Variants in MTOR observed in about 807,000 individuals in gnomAD.
MTOR encodes the protein mechanistic target of rapamycin kinase.
A neutral mutation model predicts 319.8 loss-of-function variants in MTOR; 70 were observed. That is an observed-to-expected ratio of 0.22 (90% CI 0.18 to 0.27). MTOR has a LOEUF of 0.27. Among genes scored for constraint, MTOR ranks in the 10% least tolerant of loss-of-function variants. The pLI is 1.00. For synonymous variants in MTOR, 1,183 were observed against 1,211.4 expected, an observed-to-expected ratio of 0.98 and a Z score of 0.49; for missense variants, 1,890 against 3,274.4, an observed-to-expected ratio of 0.58 and a Z score of 10.32.
Position 11,238,332 on chromosome 1 carries a change from G to C in MTOR, c.2002+70C>G. The C allele has an allele frequency of 6.7e-6, 10 of 1,497,960 alleles. No individual in the cohort carries two copies. In the South Asian group the frequency reaches 1.1e-4, roughly 17 times the overall value. The allele number at this position is 1,497,960 out of a possible 1,614,324, so 92.8% of individuals were successfully genotyped here. A position where few individuals can be genotyped will look rare whatever the true frequency, so the allele number is the denominator to read the frequency against. ...AAGAACTCTAGAGAGGCCATGTAAT[G>C]AAACTGGCTACTCCCAATTGTCCTA... On this transcript the variant is annotated intron_variant, in intron 12 of 57. Coordinates refer to ENST00000361445, the MANE Select transcript of MTOR (RefSeq NM_004958.4).
At chr1:11,216,489 A>G (rs1646474726) in intron 19 of MTOR, among the ~76,000 whole-genome samples, 1 of 152,104 alleles carries the variant, frequency 6.6e-6, no homozygotes, top group African/African-American at 2.4e-5. Context: ...TCCTGTCTCT[A>G]CAAAAAAAAT....
At position 11,190,843 on chromosome 1, in the gene MTOR, A is replaced by ATG. The variant is rs1557823791; in HGVS notation, c.4253+8414_4253+8415insCA. Among the ~76,000 whole-genome samples, 5 of 152,224 alleles carry ATG rather than the reference A, an allele frequency of 3.3e-5. No homozygotes were observed. The East Asian group carries it at 9.6e-4, about 29-fold the overall frequency. On this transcript the variant is annotated intron_variant, in intron 28 of 57. Transcript: ENST00000361445. The stretch of plus-strand genomic sequence containing the variant: ...ATTGGTCCCATTATAAACTACATGA[A>ATG]GAACAAAGACATGATCAGCTTCTAC...
intron 34 of MTOR, among the ~76,000 whole-genome samples, 181 bp from the exon 35 acceptor site, chr1:11,139,839 G>A (rs1022258023): frequency 2.6e-5 from 4 of 152,210 alleles, no homozygotes; most frequent in African/African-American, 9.6e-5. Context: ...TTACAGGCGT[G>A]TGCCATCATG....
At chr1:11,158,608 A>G (rs1644386228) in intron 29 of MTOR, among the ~76,000 whole-genome samples, 1 of 152,178 alleles carries the variant, frequency 6.6e-6, no homozygotes, top group Non-Finnish European at 1.5e-5. Context: ...GTCCAAAATA[A>G]TATCTATTAT....
chr1:11,139,897 G>C (rs972751789), intron 34 of MTOR, among the ~76,000 whole-genome samples: 9 of 152,084 alleles, frequency 5.9e-5, no homozygotes, highest in African/African-American at 1.9e-4. Flanking sequence ...TCAGCATCTT[G>C]GCCAGGCTGG....
intron 20 of MTOR, among the ~76,000 whole-genome samples, chr1:11,214,748 CTG>C (rs1646415468): frequency 6.6e-6 from 1 of 152,310 alleles, no homozygotes; most frequent in South Asian, 2.1e-4. Context: ...TCTGAAAAAG[CTG>C]TGTTTTCTAG....
intron 34 of MTOR, among the ~76,000 whole-genome samples, chr1:11,142,553 T>TC (rs1169898070): frequency 6.6e-6 from 1 of 152,066 alleles, no homozygotes; most frequent in African/African-American, 2.4e-5. Flanking sequence ...TGCCTCAGCC[T>TC]CCCAAAGTGC....
At chr1:11,148,302 G>A (rs1644005751) in intron 31 of MTOR, among the ~76,000 whole-genome samples, 1 of 152,262 alleles carries the variant, frequency 6.6e-6, no homozygotes, top group South Asian at 2.1e-4. Context: ...ATTTATAAGA[G>A]AGGAAAATAA....
At chr1:11,256,912 C>CTCCT (rs780540931) in intron 4 of MTOR, 21 bp downstream of exon 4, 1 of 1,607,526 alleles carries the variant, frequency 6.2e-7, no homozygotes, top group East Asian at 2.2e-5. Flanking sequence ...CCTGGCTGTG[C>CTCCT]TCCTCCCTGT....
chr1:11,174,478 GC>G (rs1164942925), intron 28 of MTOR, among the ~76,000 whole-genome samples: 1 of 152,164 alleles, frequency 6.6e-6, no homozygotes, highest in Non-Finnish European at 1.5e-5. Flanking sequence ...AAGTCAGCAT[GC>G]CATCACAGCA....
intron 30 of MTOR, 107 bp from the exon 31 acceptor site, chr1:11,150,333 CT>C: frequency 1.2e-6 from 1 of 864,052 alleles, no homozygotes. Context: ...AACTGGACAC[CT>C]TTAATAAAAA....
At chr1:11,226,876 A>G (rs1569665246) in intron 19 of MTOR, among the ~76,000 whole-genome samples, 1 of 152,096 alleles carries the variant, frequency 6.6e-6, no homozygotes, top group African/African-American at 2.4e-5. Context: ...TACAAGATTA[A>G]AACTAAAAAA....
At chr1:11,130,847 G>T (rs1643113250) in intron 38 of MTOR, 70 bp from the exon 39 acceptor site, 3 of 1,509,804 alleles carry the variant, frequency 2.0e-6, no homozygotes, top group Admixed American at 2.0e-5. Context: ...GGAGCGCAAG[G>T]TCGATGCTGA....
In MTOR at chr1:11,213,758, GCA is replaced by G. The variant is rs1440385620; in HGVS notation, c.3118-194_3118-193del. On this transcript the variant is annotated intron_variant, in intron 20 of 57. Coordinates refer to ENST00000361445, the MANE Select transcript of MTOR (RefSeq NM_004958.4). ...GCAGCTACACTGGACAAACTCAATTGCATTTCCCCAGATGCACCAGGCTACCT... is the reference window on the plus strand; with the variant it reads ...GCAGCTACACTGGACAAACTCAATTGTTTCCCCAGATGCACCAGGCTACCT... Among the ~76,000 whole-genome samples the G allele has an allele frequency of 1.8e-3, 281 of 152,238 alleles. 3 individuals carry two copies. Among genetic ancestry groups the G allele is most frequent in the African/African-American group, 6.5e-3 (271 of 41,548 alleles).
chr1:11,155,445 C>T (rs1278139522), intron 30 of MTOR, among the ~76,000 whole-genome samples: 1 of 152,152 alleles, frequency 6.6e-6, no homozygotes, highest in Non-Finnish European at 1.5e-5. Context: ...TCTCCCCTGC[C>T]CTTATGCCCT....
intron 37 of MTOR, 146 bp downstream of exon 37, chr1:11,134,205 G>A (rs1643296598): frequency 1.5e-6 from 1 of 672,676 alleles, no homozygotes; most frequent in Non-Finnish European, 2.6e-6. Context: ...AGTATGCTTT[G>A]GTGGTTGCCT....
rs1641965698 is a variant in MTOR, at chr1:11,112,865, A to G, written c.7353T>C (p.Ala2451=). Reference sequence around the variant, plus strand: ...GGATGCACCTACCGACTGACTGGCCAGCAGAGTAGGAATCCGTCCTCGTTC... The same window carrying G: ...GGATGCACCTACCGACTGACTGGCCGGCAGAGTAGGAATCCGTCCTCGTTC... ...RSRTRTDSYS[A]GQSVEILDGV... is the part of the protein sequence containing the mutation. The change falls in exon 54 of 58, where the codon GCT becomes GCC. Residue 2451 remains alanine, a synonymous_variant. Transcript: ENST00000361445. 1 of 1,614,270 alleles carries G rather than the reference A, an allele frequency of 6.2e-7. No individual in the cohort carries two copies. Among genetic ancestry groups the G allele is most frequent in the Non-Finnish European group, 8.5e-7 (1 of 1,180,052 alleles).
At chr1:11,239,796 TC>T (rs1363304589) in intron 11 of MTOR, among the ~76,000 whole-genome samples, 2 of 151,342 alleles carry the variant, frequency 1.3e-5, no homozygotes, top group South Asian at 2.1e-4. Flanking sequence ...TCCCAGCTAC[TC>T]GGGAGGCTGT....
chr1:11,234,197 G>A lies in MTOR; in HGVS notation c.2277C>T (p.His759=). Residue 759 remains histidine, a synonymous_variant, in exon 14 of 58, where the codon CAC becomes CAT. Coordinates refer to ENST00000361445, the MANE Select transcript of MTOR (RefSeq NM_004958.4). The part of the protein sequence containing the change: ...IKEQSARMLG[H]LVSNAPRLIR... ...TGAGTCGGGGGGCATTGGAGACCAG[G>A]TGCCCCAGCATGCGGGCACTCTGCT... 1.2e-6 allele frequency: 2 copies of A among 1,614,108 alleles called. No homozygotes were observed. Among genetic ancestry groups the A allele is most frequent in the Non-Finnish European group, 1.7e-6 (2 of 1,180,006 alleles).
Sources: gnomAD v4.1 joint callset for allele counts (sites outside exome capture counted in the v4.1 genomes callset) on GRCh38, gnomAD v4.1.1 for gene constraint, MANE v1.5 for transcripts, NCBI Gene and HGNC (gene_info 2026-07-23, HGNC 2026-07-21) for gene names.